Variants in RAPGEF2 observed in about 807,000 individuals in gnomAD.
The protein encoded by RAPGEF2 is PDZ domain containing guanine nucleotide exchange factor (GEF) 1.
RAPGEF2 carries 54 observed loss-of-function variants against 186.7 expected under a neutral mutation model. The observed-to-expected ratio is 0.29, with a 90% CI of 0.23 to 0.36. The LOEUF (loss-of-function observed/expected upper bound fraction) is 0.36. Among genes scored for constraint, RAPGEF2 ranks in the 10% least tolerant of loss-of-function variants. RAPGEF2 has a pLI of 1.00. For synonymous variants in RAPGEF2, 712 were observed against 705.9 expected (o/e 1.01, Z -0.14); for missense variants, 1,532 against 2,045.0 (o/e 0.75, Z 4.84).
In RAPGEF2 at chr4:159,340,658, C is replaced by T. The variant is rs1269214746; in HGVS notation, c.2535-906C>T. Among the ~76,000 whole-genome samples, 5 of 136,796 alleles carry T rather than the reference C, an allele frequency of 3.7e-5. No individual in the cohort carries two copies. The East Asian group carries it at 7.9e-4, about 22-fold the overall frequency. The allele number at this position is 136,796 out of a possible 152,430, so 89.7% of individuals were successfully genotyped here. A position where few individuals can be genotyped will look rare whatever the true frequency, so the allele number is the denominator to read the frequency against. ...AACAAAAACAAAACAAAAAATACCA[C>T]CACCATCACCACACACACACACACA... On this transcript the variant is annotated intron_variant, in intron 19 of 29. Transcript: ENST00000691494.
chr4:159,322,224 A>G (rs1021747706), intron 9 of RAPGEF2, 123 bp from the exon 10 acceptor site: 8 of 748,184 alleles, frequency 1.1e-5, no homozygotes, highest in East Asian at 2.8e-5. Context: ...GATACTTGAT[A>G]TGTATTTTTC....
In RAPGEF2 at chr4:159,330,020, A is replaced by G; in HGVS notation, c.1302+10A>G. On this transcript the variant is annotated intron_variant, in intron 12 of 29. Coordinates refer to ENST00000691494, the MANE Select transcript of RAPGEF2 (RefSeq NM_001394067.2). ...ACACATTGTCATCAAGGTAGGACAC[A>G]GGACCACTCCTTCCCAAGGAAAGGA... The G allele has an allele frequency of 1.9e-6, 3 of 1,594,908 alleles. No homozygotes were observed. Among genetic ancestry groups the G allele is most frequent in the Non-Finnish European group, 2.6e-6 (3 of 1,173,244 alleles).
At chr4:159,289,639 G>A (rs1225579682) in intron 7 of RAPGEF2, among the ~76,000 whole-genome samples, 1 of 152,118 alleles carries the variant, frequency 6.6e-6, no homozygotes, top group African/African-American at 2.4e-5. Context: ...TGAGAAGCTA[G>A]GAAAAGAGTG....
At chr4:159,290,154 C>A (rs1283673811) in intron 7 of RAPGEF2, among the ~76,000 whole-genome samples, 1 of 152,136 alleles carries the variant, frequency 6.6e-6, no homozygotes, top group African/African-American at 2.4e-5. Flanking sequence ...TACAGTGGCA[C>A]CACAGTGAAG....
intron 3 of RAPGEF2, among the ~76,000 whole-genome samples, chr4:159,207,594 G>A (rs940670809): frequency 2.6e-5 from 4 of 152,136 alleles, no homozygotes; most frequent in Admixed American, 6.5e-5. Flanking sequence ...TAATGATCAC[G>A]AACTGTTCAT....
rs188113608 is a variant in RAPGEF2, at chr4:159,360,005, T to C, written c.*1866T>C. ...TACCTGTATGTCTTTTAGAAAGACA[T>C]TGGTGGAGTCTGTATCCCTTTTGTA... On this transcript the variant is annotated 3_prime_UTR_variant, in exon 30 of 30. Transcript: ENST00000691494. The C allele has an allele frequency of 2.6e-5, 4 of 152,328 alleles. No individual in the cohort carries two copies. Among genetic ancestry groups the C allele is most frequent in the African/African-American group, 9.6e-5 (4 of 41,576 alleles). 9.4% of individuals were successfully genotyped at this position (152,328 alleles called of 1,614,324 possible). A position where few individuals can be genotyped will look rare whatever the true frequency, so the allele number is the denominator to read the frequency against.
chr4:159,228,943 T>C (rs936782556), intron 4 of RAPGEF2, among the ~76,000 whole-genome samples: 1 of 152,232 alleles, frequency 6.6e-6, no homozygotes, highest in Non-Finnish European at 1.5e-5. Context: ...CAGTTACTTG[T>C]TAGCTTTTCC....
intron 18 of RAPGEF2, 89 bp from the exon 19 acceptor site, chr4:159,339,025 A>G: frequency 6.8e-7 from 1 of 1,461,472 alleles, no homozygotes; most frequent in Non-Finnish European, 9.2e-7. Context: ...GCTTTTTCTT[A>G]AGGAGCTTTT....
intron 11 of RAPGEF2, chr4:159,328,787 A>G (rs560536622): frequency 9.5e-4 from 144 of 152,328 alleles, no homozygotes; most frequent in Admixed American, 9.8e-4. Flanking sequence ...TAGGAGGATG[A>G]ATTGAAAAAG....
At chr4:159,232,401 G>C (rs114161704) in intron 4 of RAPGEF2, among the ~76,000 whole-genome samples, 1 of 152,112 alleles carries the variant, frequency 6.6e-6, no homozygotes, top group Non-Finnish European at 1.5e-5. Flanking sequence ...TTTGTGGCTG[G>C]TTTGTTGTCT....
Position 159,103,337 on chromosome 4 carries a change from T to C in RAPGEF2, c.-826T>C, listed in dbSNP as rs1737391649. 1 of 151,482 alleles carries C rather than the reference T, an allele frequency of 6.6e-6. No individual in the cohort carries two copies. The highest frequency in any genetic ancestry group is 1.8e-4 in the South Asian group (1 of 5,638). 9.4% of individuals were successfully genotyped at this position (151,482 alleles called of 1,614,324 possible). ...GGGCTGCAGCCCGGGCCGGGTGCTC[T>C]GGCCGCGGCGGCGCCGGCGCCGGGG... On this transcript the variant is annotated 5_prime_UTR_variant, in exon 1 of 30. Transcript: ENST00000691494.
chr4:159,331,368 A>T, intron 13 of RAPGEF2, 63 bp from the exon 14 acceptor site: 1 of 938,786 alleles, frequency 1.1e-6, no homozygotes, highest in Non-Finnish European at 1.6e-6. Context: ...TCTTTTCTGG[A>T]ATGATTTTAA....
chr4:159,273,213 G>A (rs1371856961), intron 7 of RAPGEF2, among the ~76,000 whole-genome samples: 1 of 152,140 alleles, frequency 6.6e-6, no homozygotes, highest in East Asian at 1.9e-4. Context: ...GCTAGCAGAG[G>A]GGACTGAGAG....
At chr4:159,270,197 C>T (rs1024084562) in intron 7 of RAPGEF2, among the ~76,000 whole-genome samples, 1 of 152,190 alleles carries the variant, frequency 6.6e-6, no homozygotes, top group Non-Finnish European at 1.5e-5. Context: ...ACATCAAGGT[C>T]TGGCTGTATA....
Position 159,352,668 on chromosome 4 carries a change from T to G in RAPGEF2, c.3866-17T>G. ...AACCTAGAGAGTCTAATTAATACGG[T>G]TGTATTTCTCATGCAGGCTATACTT... On this transcript the variant is annotated splice_polypyrimidine_tract_variant and intron_variant, in intron 26 of 29. Coordinates refer to ENST00000691494, the MANE Select transcript of RAPGEF2 (RefSeq NM_001394067.2). 3 of 1,579,722 alleles carry G rather than the reference T, an allele frequency of 1.9e-6. No individual in the cohort carries two copies. Among genetic ancestry groups the G allele is most frequent in the Non-Finnish European group, 2.6e-6 (3 of 1,148,862 alleles).
intron 7 of RAPGEF2, among the ~76,000 whole-genome samples, chr4:159,275,468 C>T (rs914033433): frequency 2.0e-5 from 3 of 152,108 alleles, no homozygotes; most frequent in African/African-American, 7.2e-5. Context: ...ACATACCCTC[C>T]TTTCCCCTTT....
At chr4:159,214,088 A>G (rs958275213) in intron 4 of RAPGEF2, among the ~76,000 whole-genome samples, 3 of 152,224 alleles carry the variant, frequency 2.0e-5, no homozygotes, top group Admixed American at 1.3e-4. Flanking sequence ...CTTTGTATCA[A>G]TGGAAGATTG....
rs145578140 is a variant in RAPGEF2, at chr4:159,208,117, T to G, written c.198-2383T>G. Among the ~76,000 whole-genome samples, 28 of 151,802 alleles carry G rather than the reference T, an allele frequency of 1.8e-4. No homozygotes were observed. The East Asian group carries it at 5.2e-3, about 28-fold the overall frequency. On this transcript the variant is annotated intron_variant, in intron 3 of 29. Transcript: ENST00000691494. Reference sequence around the variant, plus strand: ...GCATTGCTGTTGAGCTAAGTAGTCATGAATTTGGTGAAGAATGGACTTGGG... The same window carrying G: ...GCATTGCTGTTGAGCTAAGTAGTCAGGAATTTGGTGAAGAATGGACTTGGG...
chr4:159,239,731 T>C (rs1753728986), intron 5 of RAPGEF2, among the ~76,000 whole-genome samples: 1 of 152,218 alleles, frequency 6.6e-6, no homozygotes, highest in Admixed American at 6.5e-5. Flanking sequence ...TTTCCCAGCC[T>C]AGACATTCAG....
Sources: gnomAD v4.1 joint callset for allele counts (sites outside exome capture counted in the v4.1 genomes callset) on GRCh38, gnomAD v4.1.1 for gene constraint, MANE v1.5 for transcripts, NCBI Gene and HGNC (gene_info 2026-07-23, HGNC 2026-07-21) for gene names.